Variants in PCDH11X observed in about 807,000 individuals in gnomAD.
The protein encoded by PCDH11X is protocadherin 11 X-linked.
A neutral mutation model predicts 53.3 loss-of-function variants in PCDH11X; 18 were observed. The ratio of observed to expected loss-of-function variants is 0.34; its 90% CI spans 0.23 to 0.50. The LOEUF (loss-of-function observed/expected upper bound fraction) is 0.50. PCDH11X is among the 20% of genes least tolerant of loss of function. PCDH11X has a pLI of 0.98. For synonymous variants in PCDH11X, 279 were observed against 393.3 expected (o/e 0.71, Z 3.44); for missense variants, 570 against 1,032.4 (o/e 0.55, Z 6.14).
intron 9 of PCDH11X, chrX:92,460,211 A>G (rs1379277410): frequency 7.3e-5 from 67 of 912,570 alleles, no homozygotes; most frequent in Non-Finnish European, 1.0e-4. Flanking sequence ...AACGACATCC[A>G]TGGGCTCCGC....
intron 7 of PCDH11X, among the ~76,000 whole-genome samples, chrX:92,202,462 T>C (rs1004846924): frequency 1.5e-4 from 17 of 110,986 alleles, no homozygotes; most frequent in African/African-American, 4.6e-4. Context: ...CAACTGATTA[T>C]TATTTTAGAG....
chrX:92,221,912 C>A, intron 7 of PCDH11X, among the ~76,000 whole-genome samples: 1 of 110,567 alleles, frequency 9.0e-6, no homozygotes, highest in Admixed American at 9.7e-5. Flanking sequence ...CAGCTCACTG[C>A]AATCTCCGCC....
At chrX:92,113,526 G>A (rs2064565847) in intron 6 of PCDH11X, 3 of 1,199,874 alleles carry the variant, frequency 2.5e-6, no homozygotes, top group African/African-American at 3.7e-5. Context: ...TCGTGATCAC[G>A]TCTCGCTCCT....
chrX:92,320,746 G>T (rs1352461455), intron 8 of PCDH11X, among the ~76,000 whole-genome samples: 1 of 111,420 alleles, frequency 9.0e-6, no homozygotes, highest in African/African-American at 3.3e-5. Flanking sequence ...GGTCCATCCT[G>T]CAGGCTGAGA....
At chrX:92,597,163 C>A (rs1311713511) in intron 10 of PCDH11X, among the ~76,000 whole-genome samples, 1 of 111,258 alleles carries the variant, frequency 9.0e-6, no homozygotes, top group African/African-American at 3.3e-5. Flanking sequence ...CAATATAATA[C>A]TGGAATTCCT....
At chrX:92,027,090 C>T (rs1279720835) in intron 6 of PCDH11X, among the ~76,000 whole-genome samples, 1 of 111,242 alleles carries the variant, frequency 9.0e-6, no homozygotes, top group African/African-American at 3.3e-5. Flanking sequence ...TTAAAATATC[C>T]AGTATTTGTG....
intron 9 of PCDH11X, among the ~76,000 whole-genome samples, chrX:92,406,098 CA>C (rs61310716): frequency 1.6e-3 from 89 of 56,450 alleles, no homozygotes; most frequent in Non-Finnish European, 1.9e-3. Flanking sequence ...GACTCTGTCT[CA>C]AAAAAAAAAA....
At chrX:92,560,561 C>T (rs919882200) in intron 10 of PCDH11X, among the ~76,000 whole-genome samples, 1 of 107,678 alleles carries the variant, frequency 9.3e-6, no homozygotes, top group African/African-American at 3.4e-5. Context: ...AAAGGGAAGA[C>T]CACTGCCCTG....
chrX:92,406,213 A>G (rs2071511000), intron 9 of PCDH11X, among the ~76,000 whole-genome samples: 1 of 110,170 alleles, frequency 9.1e-6, no homozygotes, highest in Non-Finnish European at 1.9e-5. Flanking sequence ...GAGTATTGCT[A>G]TACACAAGTG....
chrX:92,215,922 G>A (rs927416002), intron 7 of PCDH11X, among the ~76,000 whole-genome samples: 10 of 110,590 alleles, frequency 9.0e-5, no homozygotes, highest in African/African-American at 2.0e-4. Context: ...TGCAGCCACC[G>A]CTGCTGATAC....
At chrX:92,036,422 C>T (rs1046509991) in intron 6 of PCDH11X, among the ~76,000 whole-genome samples, 1 of 108,309 alleles carries the variant, frequency 9.2e-6, no homozygotes, top group Non-Finnish European at 1.9e-5. Context: ...CAGGTCTTTC[C>T]TGCACTGTTC....
chrX:91,810,747 G>A (rs772557664), intron 3 of PCDH11X, among the ~76,000 whole-genome samples, 169 bp downstream of exon 3: 1 of 112,135 alleles, frequency 8.9e-6, no homozygotes, highest in South Asian at 3.7e-4. Context: ...TGTGATTGCC[G>A]TTCAAGGCAG....
At chrX:91,916,847 AG>A (rs1240061866) in intron 6 of PCDH11X, among the ~76,000 whole-genome samples, 1 of 110,634 alleles carries the variant, frequency 9.0e-6, no homozygotes, top group Non-Finnish European at 1.9e-5. Context: ...ATATCAAGAA[AG>A]GACGTAACAA....
intron 8 of PCDH11X, among the ~76,000 whole-genome samples, chrX:92,265,311 C>T (rs780031921): frequency 1.8e-5 from 2 of 110,733 alleles, no homozygotes; most frequent in East Asian, 5.8e-4. Context: ...ATCTGATTTC[C>T]TGAGAAGCTA....
chrX:91,802,925 T>C (rs1373540818), intron 1 of PCDH11X, among the ~76,000 whole-genome samples: 10 of 111,040 alleles, frequency 9.0e-5, no homozygotes, highest in Non-Finnish European at 1.9e-4. Flanking sequence ...TAATGCATAC[T>C]TCTGGACGAA....
chrX:91,936,799 A>G (rs895713251), intron 6 of PCDH11X, among the ~76,000 whole-genome samples: 48 of 108,360 alleles, frequency 4.4e-4, no homozygotes, highest in African/African-American at 1.6e-3. Flanking sequence ...TAAGGAAATG[A>G]TCGTAATTGA....
chrX:92,176,950 C>T (rs952667668), intron 6 of PCDH11X, among the ~76,000 whole-genome samples: 3 of 107,663 alleles, frequency 2.8e-5, no homozygotes, highest in East Asian at 5.8e-4. Flanking sequence ...TAAAGTACAA[C>T]GTAGTTTTTT....
chrX:92,215,083 G>A (rs949216451), intron 7 of PCDH11X, among the ~76,000 whole-genome samples: 2 of 111,188 alleles, frequency 1.8e-5, no homozygotes, highest in Non-Finnish European at 3.8e-5. Flanking sequence ...CAAGATGGCC[G>A]AATAGGAACA....
chrX:92,534,947 A>G (rs1467914397), intron 10 of PCDH11X, among the ~76,000 whole-genome samples: 3 of 111,367 alleles, frequency 2.7e-5, no homozygotes, highest in African/African-American at 6.5e-5. Flanking sequence ...CACTACAAAC[A>G]CGTGCCAAAT....
Sources: allele counts gnomAD v4.1 joint callset (sites outside exome capture counted in the v4.1 genomes callset), GRCh38; gene constraint gnomAD v4.1.1; transcripts MANE v1.5; gene names NCBI Gene and HGNC (gene_info 2026-07-23, HGNC 2026-07-21).